Variants in PCSK2 observed in about 807,000 individuals in gnomAD.
PCSK2 encodes the protein proprotein convertase subtilisin/kexin type 2.
Under a neutral mutation model 69.7 loss-of-function variants are expected in PCSK2, and 14 were observed. The observed-to-expected ratio is 0.20, with a 90% CI of 0.13 to 0.31. PCSK2 has a LOEUF of 0.31. Among genes scored for constraint, PCSK2 ranks in the 10% least tolerant of loss-of-function variants. The pLI is 1.00. For missense variants in PCSK2, 544 were observed against 842.5 expected (o/e 0.65, Z 4.39); for synonymous variants, 307 against 320.7 (o/e 0.96, Z 0.46).
At chr20:17,473,218 T>C (rs2033236176) in intron 11 of PCSK2, among the ~76,000 whole-genome samples, 2 of 150,154 alleles carry the variant, frequency 1.3e-5, no homozygotes, top group African/African-American at 4.9e-5. Context: ...CTCAGCCTCC[T>C]GAGTAGCTGC....
intron 4 of PCSK2, among the ~76,000 whole-genome samples, chr20:17,362,718 T>C (rs1327356487): frequency 2.6e-5 from 4 of 152,238 alleles, no homozygotes; most frequent in Admixed American, 6.5e-5. Context: ...CTGCCACTTA[T>C]GTTGGATGAA....
intron 2 of PCSK2, among the ~76,000 whole-genome samples, chr20:17,333,693 T>C (rs1261888873): frequency 6.6e-6 from 1 of 152,014 alleles, no homozygotes; most frequent in East Asian, 1.9e-4. Context: ...CATGTATTTA[T>C]GGCTTCAAAC....
At chr20:17,409,148 C>A in intron 5 of PCSK2, 115 bp from the exon 6 acceptor site, 1 of 789,866 alleles carries the variant, frequency 1.3e-6, no homozygotes. Flanking sequence ...TGGTCCAGTG[C>A]AGCACACTAA....
intron 2 of PCSK2, among the ~76,000 whole-genome samples, chr20:17,297,684 G>A (rs754368947): frequency 1.4e-4 from 21 of 152,176 alleles, no homozygotes; most frequent in South Asian, 2.1e-4. Context: ...TATCCTCTTC[G>A]TGAATGTCCT....
At chr20:17,260,669 A>C (rs146293077) in intron 2 of PCSK2, among the ~76,000 whole-genome samples, 132 of 152,244 alleles carry the variant, frequency 8.7e-4, no homozygotes, top group African/African-American at 3.1e-3. Context: ...ATGGGAAGAC[A>C]ACAAGCAGTT....
chr20:17,473,189 G>A (rs559363607), intron 11 of PCSK2, among the ~76,000 whole-genome samples: 5 of 138,086 alleles, frequency 3.6e-5, no homozygotes, highest in Non-Finnish European at 7.6e-5. Context: ...CGCCTCCCGC[G>A]TTCAAGCGAT....
chr20:17,343,505 GCT>G (rs1373173345), intron 2 of PCSK2, among the ~76,000 whole-genome samples: 3 of 152,186 alleles, frequency 2.0e-5, no homozygotes. Context: ...ATGAATATTA[GCT>G]CTCTCTCTGC....
intron 2 of PCSK2, among the ~76,000 whole-genome samples, chr20:17,277,230 T>C (rs1383443178): frequency 6.6e-6 from 1 of 152,184 alleles, no homozygotes; most frequent in African/African-American, 2.4e-5. Context: ...TTAAAGTTTA[T>C]ATAGAACCAA....
intron 7 of PCSK2, among the ~76,000 whole-genome samples, chr20:17,429,818 A>G (rs2032327734): frequency 6.6e-6 from 1 of 152,054 alleles, no homozygotes; most frequent in African/African-American, 2.4e-5. Context: ...AGCACCCCAA[A>G]CATGTCCCCT....
At chr20:17,365,761 A>G (rs905034799) in intron 4 of PCSK2, among the ~76,000 whole-genome samples, 9 of 152,236 alleles carry the variant, frequency 5.9e-5, no homozygotes, top group African/African-American at 2.2e-4. Context: ...ACAGGTCTCA[A>G]GTAAGTCCAA....
chr20:17,353,257 T>G (rs913761331), intron 2 of PCSK2, among the ~76,000 whole-genome samples: 1 of 151,654 alleles, frequency 6.6e-6, no homozygotes, highest in Non-Finnish European at 1.5e-5. Context: ...GGTCAGGAGA[T>G]TGAGACCATC....
chr20:17,434,192 TCTC>T (rs2032436754), intron 7 of PCSK2, among the ~76,000 whole-genome samples: 1 of 602 alleles, frequency 1.7e-3, no homozygotes, highest in Admixed American at 0.016. Flanking sequence ...CTATCTACGC[TCTC>T]TCTCTCTCTC....
intron 2 of PCSK2, among the ~76,000 whole-genome samples, chr20:17,318,248 CTTG>C (rs1989749547): frequency 6.6e-6 from 1 of 152,184 alleles, no homozygotes; most frequent in African/African-American, 2.4e-5. Flanking sequence ...AACTCCAGTC[CTTG>C]AACTTGTGTT....
chr20:17,412,040 G>A (rs957672033), intron 6 of PCSK2, among the ~76,000 whole-genome samples: 1 of 152,190 alleles, frequency 6.6e-6, no homozygotes, highest in Non-Finnish European at 1.5e-5. Context: ...CAACATCAAA[G>A]ACCAAAGGTA....
intron 2 of PCSK2, among the ~76,000 whole-genome samples, chr20:17,322,791 A>G (rs1989912783): frequency 6.6e-6 from 1 of 152,236 alleles, no homozygotes; most frequent in African/African-American, 2.4e-5. Context: ...TTATAAGGGC[A>G]TTAATTTATT....
chr20:17,438,980 G>A (rs1002896544), intron 8 of PCSK2, among the ~76,000 whole-genome samples: 5 of 152,276 alleles, frequency 3.3e-5, no homozygotes, highest in South Asian at 2.1e-4. Flanking sequence ...TGGGGCAGCC[G>A]AATCTCTGCC....
intron 2 of PCSK2, among the ~76,000 whole-genome samples, chr20:17,262,518 G>A (rs1987429990): frequency 6.6e-6 from 1 of 151,332 alleles, no homozygotes; most frequent in Admixed American, 6.6e-5. Context: ...ATTAGATTAA[G>A]GTCTGAGTCT....
chr20:17,301,970 A>G (rs1474018357), intron 2 of PCSK2, among the ~76,000 whole-genome samples: 1 of 151,860 alleles, frequency 6.6e-6, no homozygotes, highest in Non-Finnish European at 1.5e-5. Flanking sequence ...CTCCTCTTCA[A>G]TTTACATACT....
intron 8 of PCSK2, among the ~76,000 whole-genome samples, chr20:17,447,081 C>G (rs981489649): frequency 6.9e-6 from 1 of 144,976 alleles, no homozygotes; most frequent in South Asian, 2.4e-4. Flanking sequence ...GGTGAAACTC[C>G]GTCATCTCTA....
Sources: gnomAD v4.1 joint callset for allele counts (sites outside exome capture counted in the v4.1 genomes callset) on GRCh38, gnomAD v4.1.1 for gene constraint, MANE v1.5 for transcripts, NCBI Gene and HGNC (gene_info 2026-07-23, HGNC 2026-07-21) for gene names.